CCT4: variants seen among roughly 807,000 people sequenced by gnomAD.
The protein encoded by CCT4 is chaperonin containing TCP1 subunit 4.
In CCT4, 17 loss-of-function variants were observed where a neutral mutation model predicts 62.5. That is an observed-to-expected ratio of 0.27 (90% CI 0.19 to 0.41). The LOEUF is 0.41. Among genes scored for constraint, CCT4 ranks in the 10% least tolerant of loss-of-function variants. The probability of loss-of-function intolerance (pLI) is 1.00; values close to 1 mark genes in which losing one functional copy is unlikely to be tolerated. For synonymous variants in CCT4, 250 were observed against 229.9 expected, an observed-to-expected ratio of 1.09 and a Z score of -0.79; for missense variants, 592 against 659.2, an observed-to-expected ratio of 0.90 and a Z score of 1.12.
In CCT4 at chr2:61,876,981, G is replaced by T. The variant is rs368560487; in HGVS notation, c.716C>A (p.Thr239Asn). ...CCCAATCTTGGCCTTTTCAACTCTG[G>T]TTATGCCAGAATTTGACACTTTTTG... is the stretch of plus-strand genomic sequence containing the variant. ...LTQKVSNSGI[T>N]RVEKAKIGLI... Residue 239 changes from threonine (T) to asparagine (N), a missense_variant, in exon 7 of 14, where the codon ACC (threonine) becomes AAC (asparagine). Thr to Asn is a moderately conservative substitution (Grantham distance 65, BLOSUM62 0). Coordinates refer to ENST00000394440, the MANE Select transcript of CCT4 (RefSeq NM_006430.4). 1 of 1,613,600 alleles carries T rather than the reference G, an allele frequency of 6.2e-7. No individual in the cohort carries two copies. Among genetic ancestry groups the T allele is most frequent in the African/African-American group, 1.3e-5 (1 of 74,892 alleles).
Position 61,885,084 on chromosome 2 carries a change from G to GA in CCT4, c.128-13_128-12insT. ...AGCATCAGCAACCGCTGCAGATGGG[G>GA]GGGAAAAAAAAGAAAACAAATTAGA... On this transcript the variant is annotated splice_polypyrimidine_tract_variant and intron_variant, in intron 1 of 13. Transcript: ENST00000394440. The GA allele has an allele frequency of 6.8e-7, 1 of 1,461,876 alleles. No homozygotes were observed. Among genetic ancestry groups the GA allele is most frequent in the South Asian group, 1.3e-5 (1 of 76,180 alleles). The allele number at this position is 1,461,876 out of a possible 1,614,324, so 90.6% of individuals were successfully genotyped here.
In CCT4 at chr2:61,878,907, T is replaced by A; in HGVS notation, c.484A>T (p.Thr162Ser). ...SRPVELSDRE[T>S]LLNSATTSLN... ...GAAGTGGTTGCACTATTTAACAAAGTTTCTCTGTCACTCAGTTCCACAGGT... is the reference window on the plus strand; with the variant it reads ...GAAGTGGTTGCACTATTTAACAAAGATTCTCTGTCACTCAGTTCCACAGGT... The change falls in exon 5 of 14, where the codon ACT becomes TCT. Residue 162 changes from threonine (T) to serine (S), a missense_variant. Thr to Ser is a moderately conservative substitution (Grantham distance 58). Coordinates refer to ENST00000394440, the MANE Select transcript of CCT4 (RefSeq NM_006430.4). 6.2e-7 allele frequency: 1 copy of A among 1,611,770 alleles called. No homozygotes were observed. Among genetic ancestry groups the A allele is most frequent in the Non-Finnish European group, 8.5e-7 (1 of 1,178,704 alleles).
chr2:61,877,052 A>G lies in CCT4; in HGVS notation c.645T>C (p.Gly215=), dbSNP rs1669016528. The G allele has an allele frequency of 2.5e-6, 4 of 1,612,346 alleles. No homozygotes were observed. In the Admixed American group the frequency reaches 6.7e-5, roughly 27 times the overall value. Residue 215 remains glycine (G), a splice_region_variant and synonymous_variant, in exon 7 of 14, where the codon GGT becomes GGC. Transcript: ENST00000394440. ...CCAACTCACAGTCATCAATTGTCCCACTAAGGATAAAAGAAAACAAAGAGG... is the reference window on the plus strand; with the variant it reads ...CCAACTCACAGTCATCAATTGTCCCGCTAAGGATAAAAGAAAACAAAGAGG... ...LRDIKIVKKL[G]GTIDDCELVE...
chr2:61,873,186 T>TA lies in CCT4; in HGVS notation c.1014+10dup, dbSNP rs372770767. ...AGACATTTTCCACAAATACAGATGT[T>TA]AATGTTTTACCTTACAAATGAATTC... On this transcript the variant is annotated intron_variant, in intron 9 of 13. Coordinates refer to ENST00000394440, the MANE Select transcript of CCT4 (RefSeq NM_006430.4). 223 of 1,428,736 alleles carry TA rather than the reference T, an allele frequency of 1.6e-4. No homozygotes were observed. In the African/African-American group the frequency reaches 1.7e-3, roughly 11 times the overall value. 88.5% of individuals were successfully genotyped at this position (1,428,736 alleles called of 1,614,324 possible). A position where few individuals can be genotyped will look rare whatever the true frequency, so the allele number is the denominator to read the frequency against.
intron 3 of CCT4, among the ~76,000 whole-genome samples, chr2:61,882,521 CTTTT>C (rs199571264): frequency 6.9e-6 from 1 of 145,452 alleles, no homozygotes; most frequent in South Asian, 2.2e-4. Context: ...GTGTTTCTTT[CTTTT>C]TTTTTTTTGA....
chr2:61,873,324 G>T, intron 8 of CCT4, 31 bp from the exon 9 acceptor site: 1 of 1,233,696 alleles, frequency 8.1e-7, no homozygotes, highest in Non-Finnish European at 1.2e-6. Flanking sequence ...TTATGTCAAT[G>T]CTAGATTAAA....
In CCT4 at chr2:61,888,374, G is replaced by A. The variant is rs773096861; in HGVS notation, c.127+7C>T. The A allele has an allele frequency of 1.9e-6, 3 of 1,612,686 alleles. No individual in the cohort carries two copies. Among genetic ancestry groups the A allele is most frequent in the South Asian group, 2.2e-5 (2 of 90,878 alleles). ...CGGCGCCGCGGGTCAGGCCATGAGA[G>A]TGATACCTTTGGCGGCGGAAATGTT... On this transcript the variant is annotated splice_region_variant and intron_variant, in intron 1 of 13. Transcript: ENST00000394440.
chr2:61,874,124 G>A (rs1668946936), intron 8 of CCT4, among the ~76,000 whole-genome samples: 1 of 152,146 alleles, frequency 6.6e-6, no homozygotes. Flanking sequence ...TAACAACTCT[G>A]TGATACTAGA....
At chr2:61,880,060 T>C (rs973696470) in intron 4 of CCT4, among the ~76,000 whole-genome samples, 33 of 152,168 alleles carry the variant, frequency 2.2e-4, no homozygotes, top group African/African-American at 7.2e-4. Context: ...CAAAATTCAA[T>C]TGAGTTCCAT....
chr2:61,887,777 A>C (rs541147749), intron 1 of CCT4, among the ~76,000 whole-genome samples: 62 of 152,348 alleles, frequency 4.1e-4, no homozygotes, highest in African/African-American at 1.5e-3. Context: ...CAAAAAAAAC[A>C]AATAATTGTT....
chr2:61,877,555 GA>G, intron 5 of CCT4, 41 bp from the exon 6 acceptor site: 1 of 1,444,102 alleles, frequency 6.9e-7, no homozygotes, highest in Non-Finnish European at 9.3e-7. Flanking sequence ...CTTCACAGTA[GA>G]AAAAAGTCCT....
At chr2:61,874,311 G>A (rs1354730646) in intron 8 of CCT4, among the ~76,000 whole-genome samples, 2 of 152,008 alleles carry the variant, frequency 1.3e-5, no homozygotes, top group Non-Finnish European at 2.9e-5. Flanking sequence ...GGAGTAAATG[G>A]GAATGCGTCT....
At chr2:61,881,700 T>C (rs1171774825) in intron 3 of CCT4, among the ~76,000 whole-genome samples, 3 of 152,162 alleles carry the variant, frequency 2.0e-5, no homozygotes, top group Non-Finnish European at 4.4e-5. Flanking sequence ...TTTTATCTTT[T>C]TTCATGTAAT....
chr2:61,881,310 T>C (rs1397314458), intron 3 of CCT4, among the ~76,000 whole-genome samples: 3 of 152,142 alleles, frequency 2.0e-5, no homozygotes, highest in East Asian at 3.8e-4. Context: ...TTTTGTCACT[T>C]CTGGATAACA....
intron 1 of CCT4, among the ~76,000 whole-genome samples, chr2:61,887,754 C>T (rs1238381181): frequency 6.6e-6 from 1 of 152,212 alleles, no homozygotes; most frequent in African/African-American, 2.4e-5. Flanking sequence ...CCAACGTGTG[C>T]CACACACTTC....
At position 61,877,343 on chromosome 2, in the gene CCT4, C is replaced by G. The variant is rs755953210; in HGVS notation, c.644+50G>C. 4.5e-6 allele frequency: 7 copies of G among 1,561,760 alleles called. No individual in the cohort carries two copies. The East Asian group carries it at 9.0e-5, about 20-fold the overall frequency. The stretch of plus-strand genomic sequence containing the variant: ...GGTGTTTTTATTTATTTTTGGCAAT[C>G]TGATGCTCATTTTCAAATTTTTATT... On this transcript the variant is annotated intron_variant, in intron 6 of 13. Coordinates refer to ENST00000394440, the MANE Select transcript of CCT4 (RefSeq NM_006430.4).
intron 2 of CCT4, 86 bp from the exon 3 acceptor site, chr2:61,883,634 T>C (rs1404927087): frequency 1.4e-6 from 1 of 707,568 alleles, no homozygotes; most frequent in Non-Finnish European, 2.4e-6. Flanking sequence ...GAGAAGTTAA[T>C]TTCTGTTTGC....
chr2:61,873,184 G>T lies in CCT4; in HGVS notation c.1014+13C>A. 7.0e-7 allele frequency: 1 copy of T among 1,423,762 alleles called. No individual in the cohort carries two copies. The highest frequency in any genetic ancestry group is 9.9e-7 in the Non-Finnish European group (1 of 1,006,946). 88.2% of individuals were successfully genotyped at this position (1,423,762 alleles called of 1,614,324 possible). A position where few individuals can be genotyped will look rare whatever the true frequency, so the allele number is the denominator to read the frequency against. ...TCAGACATTTTCCACAAATACAGAT[G>T]TTAATGTTTTACCTTACAAATGAAT... On this transcript the variant is annotated intron_variant, in intron 9 of 13. Transcript: ENST00000394440.
intron 8 of CCT4, among the ~76,000 whole-genome samples, chr2:61,873,755 G>A (rs149368781): frequency 0.011 from 1,678 of 152,126 alleles, 30 homozygotes; most frequent in African/African-American, 0.039. Flanking sequence ...TAGTAGAGAC[G>A]GGGTTTCACC....
Sources: gnomAD v4.1 joint callset for allele counts (sites outside exome capture counted in the v4.1 genomes callset) on GRCh38, gnomAD v4.1.1 for gene constraint, MANE v1.5 for transcripts, NCBI Gene and HGNC (gene_info 2026-07-23, HGNC 2026-07-21) for gene names.